Variants in ZNF385B observed in about 807,000 individuals in gnomAD.
ZNF385B encodes the protein zinc finger protein 533.
In ZNF385B, 23 loss-of-function variants were observed where a neutral mutation model predicts 39.2. The ratio of observed to expected loss-of-function variants is 0.59; its 90% CI spans 0.42 to 0.83. ZNF385B has a LOEUF of 0.83. Ranked by LOEUF, ZNF385B falls within the 40% of genes least tolerant of loss-of-function variation. ZNF385B has a pLI of 0.00. For synonymous variants in ZNF385B, 205 were observed against 222.6 expected, an observed-to-expected ratio of 0.92 and a Z score of 0.70; for missense variants, 552 against 598.9, an observed-to-expected ratio of 0.92 and a Z score of 0.82.
At chr2:179,716,987 AT>A (rs1390148252) in intron 3 of ZNF385B, among the ~76,000 whole-genome samples, 1 of 152,046 alleles carries the variant, frequency 6.6e-6, no homozygotes, top group African/African-American at 2.4e-5. Flanking sequence ...TTTTTGTTGA[AT>A]TTTTCTTGAA....
At chr2:179,752,775 G>C (rs1287560234) in intron 3 of ZNF385B, among the ~76,000 whole-genome samples, 2 of 151,998 alleles carry the variant, frequency 1.3e-5, no homozygotes, top group Non-Finnish European at 2.9e-5. Flanking sequence ...TTTGTGATGG[G>C]GTTGTTTGTT....
chr2:179,703,425 T>C (rs1037778442), intron 3 of ZNF385B, among the ~76,000 whole-genome samples: 1 of 152,202 alleles, frequency 6.6e-6, no homozygotes, highest in Non-Finnish European at 1.5e-5. Flanking sequence ...TTTTCTTTCC[T>C]TAGTACTCAC....
chr2:179,537,322 A>T (rs2059635148), intron 4 of ZNF385B, among the ~76,000 whole-genome samples: 1 of 144,554 alleles, frequency 6.9e-6, no homozygotes, highest in Admixed American at 6.8e-5. Flanking sequence ...AAAAATAAAT[A>T]AAAAAAAAAT....
At chr2:179,763,872 T>G (rs1424777207) in intron 3 of ZNF385B, among the ~76,000 whole-genome samples, 1 of 152,184 alleles carries the variant, frequency 6.6e-6, no homozygotes, top group African/African-American at 2.4e-5. Flanking sequence ...AAGGTTTGTG[T>G]TATGGTCCAA....
intron 4 of ZNF385B, among the ~76,000 whole-genome samples, chr2:179,520,812 T>G (rs1475419082): frequency 6.6e-6 from 1 of 152,258 alleles, no homozygotes; most frequent in Non-Finnish European, 1.5e-5. Context: ...ATGCATGCTA[T>G]TTTCATTATT....
At chr2:179,619,882 T>A (rs1395011940) in intron 3 of ZNF385B, among the ~76,000 whole-genome samples, 1 of 152,206 alleles carries the variant, frequency 6.6e-6, no homozygotes, top group Non-Finnish European at 1.5e-5. Context: ...GTGAGTAATG[T>A]GGCATGATAA....
At position 179,548,413 on chromosome 2, in the gene ZNF385B, G is replaced by A. The variant is rs961403363; in HGVS notation, c.299-3444C>T. Among the ~76,000 whole-genome samples, 78 of 127,808 alleles carry A rather than the reference G, an allele frequency of 6.1e-4. 3 individuals are homozygous for A. Among genetic ancestry groups the A allele is most frequent in the Non-Finnish European group, 1.2e-3 (69 of 55,494 alleles). 83.8% of individuals were successfully genotyped at this position (127,808 alleles called of 152,430 possible). ...AGGCAGACTCTGGCATGTAAGGTTT[G>A]TTTGTTTGTTTGTTTGTTTTAATAT... On this transcript the variant is annotated intron_variant, in intron 3 of 9. Coordinates refer to ENST00000410066, the MANE Select transcript of ZNF385B (RefSeq NM_152520.6).
intron 3 of ZNF385B, among the ~76,000 whole-genome samples, chr2:179,719,288 G>A (rs988800865): frequency 2.0e-5 from 3 of 152,112 alleles, no homozygotes; most frequent in Non-Finnish European, 1.5e-5. Flanking sequence ...AGCTGGAGAG[G>A]AGGCAATCAC....
intron 3 of ZNF385B, among the ~76,000 whole-genome samples, chr2:179,553,481 C>T (rs1159412516): frequency 6.7e-6 from 1 of 148,928 alleles, no homozygotes; most frequent in African/African-American, 2.5e-5. Flanking sequence ...TGCCAGGTAA[C>T]GTGCTAAGTG....
chr2:179,469,261 G>A (rs1486157499), intron 6 of ZNF385B, among the ~76,000 whole-genome samples: 1 of 152,154 alleles, frequency 6.6e-6, no homozygotes, highest in Non-Finnish European at 1.5e-5. Flanking sequence ...CCACACATAA[G>A]TTATACTAAC....
At chr2:179,541,800 C>T (rs1238508950) in intron 4 of ZNF385B, among the ~76,000 whole-genome samples, 1 of 140,418 alleles carries the variant, frequency 7.1e-6, no homozygotes, top group African/African-American at 2.5e-5. Flanking sequence ...GCCTTCCACA[C>T]TTCCAGAAAA....
intron 3 of ZNF385B, among the ~76,000 whole-genome samples, chr2:179,596,288 T>G (rs1687993627): frequency 6.6e-6 from 1 of 152,202 alleles, no homozygotes; most frequent in Non-Finnish European, 1.5e-5. Flanking sequence ...TGCTGAGTCA[T>G]TCATCTTTTT....
intron 3 of ZNF385B, among the ~76,000 whole-genome samples, chr2:179,680,095 C>G (rs1013616287): frequency 1.3e-5 from 2 of 152,072 alleles, no homozygotes; most frequent in Non-Finnish European, 2.9e-5. Context: ...TTTAGGAATG[C>G]AAGATTGGTT....
intron 6 of ZNF385B, among the ~76,000 whole-genome samples, chr2:179,470,891 T>G (rs976468739): frequency 1.2e-3 from 51 of 42,066 alleles, no homozygotes; most frequent in African/African-American, 3.8e-3. Flanking sequence ...ACAAACAAAC[T>G]GGATGAGGTT....
At chr2:179,511,797 A>G (rs987457755) in intron 5 of ZNF385B, among the ~76,000 whole-genome samples, 10 of 152,196 alleles carry the variant, frequency 6.6e-5, no homozygotes, top group African/African-American at 2.4e-4. Flanking sequence ...ATGTCTTCAG[A>G]CATGAGAAAA....
At chr2:179,696,506 C>T (rs1247498634) in intron 3 of ZNF385B, among the ~76,000 whole-genome samples, 2 of 151,666 alleles carry the variant, frequency 1.3e-5, no homozygotes, top group East Asian at 3.9e-4. Context: ...ACAAGTAAAA[C>T]AATATATCCT....
chr2:179,676,917 T>C (rs1420655755), intron 3 of ZNF385B, among the ~76,000 whole-genome samples: 3 of 152,202 alleles, frequency 2.0e-5, no homozygotes, highest in Non-Finnish European at 1.5e-5. Context: ...GGGAGTAATA[T>C]GGGCTTAATG....
intron 5 of ZNF385B, 138 bp from the exon 6 acceptor site, chr2:179,483,572 T>C: frequency 2.6e-6 from 3 of 1,146,318 alleles, no homozygotes; most frequent in Non-Finnish European, 3.7e-6. Flanking sequence ...TTTTTGGCAC[T>C]TCATGAAATG....
intron 3 of ZNF385B, among the ~76,000 whole-genome samples, chr2:179,636,132 A>G (rs564539951): frequency 4.6e-5 from 7 of 152,320 alleles, no homozygotes; most frequent in African/African-American, 1.7e-4. Flanking sequence ...ATCCAGTTGC[A>G]AGTTTACATG....
Sources: gnomAD v4.1 joint callset for allele counts (sites outside exome capture counted in the v4.1 genomes callset) on GRCh38, gnomAD v4.1.1 for gene constraint, MANE v1.5 for transcripts, NCBI Gene and HGNC (gene_info 2026-07-23, HGNC 2026-07-21) for gene names.